Variants in MTA3 observed in about 807,000 individuals in gnomAD.
MTA3 encodes the protein metastasis associated 1 family member 3.
MTA3 carries 34 observed loss-of-function variants against 83.5 expected under a neutral mutation model. The ratio of observed to expected loss-of-function variants is 0.41; its 90% CI spans 0.31 to 0.54. The LOEUF (loss-of-function observed/expected upper bound fraction) is 0.54, where lower values mean the gene tolerates loss of function less well. Ranked by LOEUF, MTA3 falls within the 20% of genes least tolerant of loss-of-function variation. MTA3 has a pLI of 0.33. For missense variants in MTA3, 761 were observed against 726.4 expected (o/e 1.05, Z -0.55); for synonymous variants, 303 against 252.7 (o/e 1.20, Z -1.89).
At chr2:42,571,826 A>G (rs1366829547) in intron 2 of MTA3, among the ~76,000 whole-genome samples, 1 of 152,110 alleles carries the variant, frequency 6.6e-6, no homozygotes, top group Non-Finnish European at 1.5e-5. Context: ...GCATGCCTGT[A>G]ATCCCAGCCA....
At chr2:42,662,988 C>A (rs747061007) in intron 8 of MTA3, among the ~76,000 whole-genome samples, 1 of 67,726 alleles carries the variant, frequency 1.5e-5, no homozygotes, top group African/African-American at 6.5e-5. Context: ...TTCGGCCTCC[C>A]AGAGTTGCTG....
chr2:42,709,473 A>C (rs188247902), intron 14 of MTA3: 2 of 283,740 alleles, frequency 7.0e-6, no homozygotes, highest in Non-Finnish European at 1.3e-5. Flanking sequence ...ATGAGACTCC[A>C]TAATCGAGAC....
intron 8 of MTA3, among the ~76,000 whole-genome samples, chr2:42,675,182 C>G (rs1352157595): frequency 1.3e-5 from 2 of 151,926 alleles, no homozygotes; most frequent in African/African-American, 4.8e-5. Flanking sequence ...TGTCACCCAG[C>G]TGGAGTGCAA....
At chr2:42,674,688 TC>T (rs1255909967) in intron 8 of MTA3, among the ~76,000 whole-genome samples, 4 of 150,722 alleles carry the variant, frequency 2.7e-5, no homozygotes, top group Admixed American at 2.6e-4. Flanking sequence ...AACTGACACT[TC>T]CTGAGTTCAA....
upstream of MTA3, among the ~76,000 whole-genome samples, chr2:42,564,861 C>G (rs1677837624): frequency 6.6e-6 from 1 of 152,148 alleles, no homozygotes; most frequent in Non-Finnish European, 1.5e-5. Context: ...ACTGCAATCT[C>G]TGCCTCCTGG....
intron 2 of MTA3, among the ~76,000 whole-genome samples, chr2:42,533,779 C>T (rs1168448544): frequency 1.4e-5 from 2 of 144,692 alleles, no homozygotes; most frequent in Non-Finnish European, 3.0e-5. Context: ...GTGCAGTGAG[C>T]TGAGATCGTG....
intron 4 of MTA3, among the ~76,000 whole-genome samples, chr2:42,620,703 G>C (rs1463271029): frequency 1.3e-5 from 2 of 152,082 alleles, no homozygotes; most frequent in Non-Finnish European, 2.9e-5. Flanking sequence ...ATGTTGCCCA[G>C]GTTGTTTCTT....
Position 42,548,040 on chromosome 2 carries a change from C to T in MTA3, c.-140-22397C>T, listed in dbSNP as rs192945419. 6.2e-3 allele frequency among the ~76,000 whole-genome samples: 951 copies of T among 152,300 alleles called. 3 individuals are homozygous for T. The highest frequency in any genetic ancestry group is 0.017 in the Middle Eastern group (5 of 294). ...AAAATAAGATAAGCTGCCCTGTGGT[C>T]CTGATGGTCAGCCCAGTTTGGAGGC... On this transcript the variant is annotated intron_variant, in intron 2 of 17. Transcript: ENST00000405592.
intron 14 of MTA3, among the ~76,000 whole-genome samples, chr2:42,717,345 A>G (rs749294869): frequency 6.6e-6 from 1 of 152,082 alleles, no homozygotes; most frequent in Non-Finnish European, 1.5e-5. Flanking sequence ...CCTGTAGGAC[A>G]TTTTTGTCAA....
intron 16 of MTA3, among the ~76,000 whole-genome samples, chr2:42,751,059 A>T (rs969502683): frequency 8.5e-5 from 13 of 152,132 alleles, no homozygotes; most frequent in Non-Finnish European, 1.6e-4. Flanking sequence ...TCACTCATTT[A>T]TCTGCTTTCC....
intron 6 of MTA3, among the ~76,000 whole-genome samples, chr2:42,647,425 C>T (rs1471170085): frequency 2.0e-5 from 3 of 151,838 alleles, no homozygotes; most frequent in Non-Finnish European, 1.5e-5. Context: ...TGGGGTTTTG[C>T]CATGTTGGCC....
chr2:42,621,412 G>C (rs1005103064), intron 4 of MTA3, among the ~76,000 whole-genome samples: 13 of 152,154 alleles, frequency 8.5e-5, no homozygotes, highest in African/African-American at 2.9e-4. Flanking sequence ...ACCCTGAGTG[G>C]ACACAGCACA....
chr2:42,728,858 A>T (rs1668008903), intron 16 of MTA3, among the ~76,000 whole-genome samples: 1 of 151,996 alleles, frequency 6.6e-6, no homozygotes, highest in African/African-American at 2.4e-5. Context: ...CTAGCTATTA[A>T]TCCCTTGTCA....
intron 15 of MTA3, among the ~76,000 whole-genome samples, chr2:42,721,103 C>T (rs893843558): frequency 6.6e-6 from 1 of 151,866 alleles, no homozygotes; most frequent in African/African-American, 2.4e-5. Context: ...ACCAGCTGAA[C>T]CACATCCCTA....
chr2:42,686,597 G>A (rs1034692043), intron 9 of MTA3, among the ~76,000 whole-genome samples: 2 of 152,114 alleles, frequency 1.3e-5, no homozygotes, highest in Non-Finnish European at 2.9e-5. Context: ...GGCCGAGGCG[G>A]GCGGATCACT....
At chr2:42,551,974 C>G (rs1396273705) in intron 2 of MTA3, among the ~76,000 whole-genome samples, 4 of 152,138 alleles carry the variant, frequency 2.6e-5, no homozygotes, top group Non-Finnish European at 4.4e-5. Flanking sequence ...GATCCACCCA[C>G]CTCGGCCTCC....
At chr2:42,516,205 G>A (rs1433195007) in intron 2 of MTA3, among the ~76,000 whole-genome samples, 5 of 152,166 alleles carry the variant, frequency 3.3e-5, no homozygotes, top group East Asian at 1.9e-4. Context: ...ATGAGCCACC[G>A]CTCCTGGCGC....
chr2:42,508,747 A>G (rs928831446), intron 2 of MTA3, among the ~76,000 whole-genome samples: 3 of 146,656 alleles, frequency 2.0e-5, no homozygotes, highest in Middle Eastern at 3.3e-3. Flanking sequence ...TATTTATAAT[A>G]TTATATATTA....
At chr2:42,654,629 T>C (rs984118710) in intron 6 of MTA3, among the ~76,000 whole-genome samples, 1 of 152,164 alleles carries the variant, frequency 6.6e-6, no homozygotes, top group East Asian at 1.9e-4. Flanking sequence ...CCTGTTTGTG[T>C]ATCTTTTTTG....
Sources: gnomAD v4.1 joint callset for allele counts (sites outside exome capture counted in the v4.1 genomes callset) on GRCh38, gnomAD v4.1.1 for gene constraint, MANE v1.5 for transcripts, NCBI Gene and HGNC (gene_info 2026-07-23, HGNC 2026-07-21) for gene names.